Variants in PPP1R9A observed in about 807,000 individuals in gnomAD.
PPP1R9A encodes neurabin-1.
A neutral mutation model predicts 141.9 loss-of-function variants in PPP1R9A; 59 were observed. The ratio of observed to expected loss-of-function variants is 0.42; its 90% confidence interval spans 0.34 to 0.52. PPP1R9A has a LOEUF of 0.52. PPP1R9A is among the 20% of genes least tolerant of loss of function. The pLI is 0.10. For synonymous variants in PPP1R9A, 500 were observed against 569.7 expected, an observed-to-expected ratio of 0.88 and a Z score of 1.74; for missense variants, 1,444 against 1,611.9, an observed-to-expected ratio of 0.90 and a Z score of 1.78.
At chr7:95,015,341 C>T (rs1000181651) in intron 2 of PPP1R9A, among the ~76,000 whole-genome samples, 2 of 151,790 alleles carry the variant, frequency 1.3e-5, no homozygotes, top group Non-Finnish European at 2.9e-5. Flanking sequence ...TTATCATTGC[C>T]ACAACTTAAT....
intron 2 of PPP1R9A, among the ~76,000 whole-genome samples, chr7:95,050,816 A>G (rs1448713901): frequency 6.6e-6 from 1 of 152,214 alleles, no homozygotes; most frequent in African/African-American, 2.4e-5. Flanking sequence ...TAATTTTATA[A>G]GTAGGTAAGG....
At chr7:95,105,254 A>T (rs1361220386) in intron 2 of PPP1R9A, among the ~76,000 whole-genome samples, 1 of 152,244 alleles carries the variant, frequency 6.6e-6, no homozygotes, top group African/African-American at 2.4e-5. Flanking sequence ...TGTGGTTCAA[A>T]CTACTGAAAA....
At chr7:95,185,197 T>A (rs899024533) in intron 5 of PPP1R9A, among the ~76,000 whole-genome samples, 2 of 152,036 alleles carry the variant, frequency 1.3e-5, no homozygotes, top group Non-Finnish European at 2.9e-5. Flanking sequence ...CCAACATCTA[T>A]GTTTTTTGTC....
intron 2 of PPP1R9A, among the ~76,000 whole-genome samples, chr7:94,936,594 G>A (rs1406177011): frequency 6.6e-6 from 1 of 151,952 alleles, no homozygotes; most frequent in African/African-American, 2.4e-5. Flanking sequence ...TAATGTTAAA[G>A]TTGTTTAAAC....
chr7:95,241,284 A>G (rs1797418271), intron 8 of PPP1R9A, among the ~76,000 whole-genome samples: 1 of 152,176 alleles, frequency 6.6e-6, no homozygotes, highest in Non-Finnish European at 1.5e-5. Flanking sequence ...CTGAGCAAAT[A>G]TGGAATACTG....
intron 4 of PPP1R9A, among the ~76,000 whole-genome samples, chr7:95,140,189 G>A (rs933843854): frequency 1.9e-4 from 29 of 152,286 alleles, no homozygotes; most frequent in Middle Eastern, 6.8e-3. Flanking sequence ...GAGAACTAGA[G>A]AAGGCCATGC....
chr7:94,967,897 G>T (rs948009507), intron 2 of PPP1R9A, among the ~76,000 whole-genome samples: 1 of 152,168 alleles, frequency 6.6e-6, no homozygotes, highest in African/African-American at 2.4e-5. Context: ...TTGATTTGGG[G>T]TGGAGAGTTC....
intron 8 of PPP1R9A, among the ~76,000 whole-genome samples, chr7:95,245,552 G>A (rs1432247553): frequency 1.3e-5 from 2 of 152,102 alleles, no homozygotes; most frequent in Non-Finnish European, 2.9e-5. Flanking sequence ...GGTGTGTCAG[G>A]ATTCCAAAAG....
At chr7:95,181,214 A>G (rs972549296) in intron 5 of PPP1R9A, among the ~76,000 whole-genome samples, 2 of 145,642 alleles carry the variant, frequency 1.4e-5, no homozygotes, top group Non-Finnish European at 3.0e-5. Context: ...TAGAATATAT[A>G]GAGAAAATAT....
At chr7:95,044,051 C>T (rs11977064) in intron 2 of PPP1R9A, among the ~76,000 whole-genome samples, 2,258 of 152,314 alleles carry the variant, frequency 0.015, 49 homozygotes, top group African/African-American at 0.051. Context: ...ACATTGGAGA[C>T]TGCTTCAAAA....
chr7:95,145,324 T>G (rs1221471499), intron 4 of PPP1R9A, among the ~76,000 whole-genome samples: 3 of 152,196 alleles, frequency 2.0e-5, no homozygotes, highest in Non-Finnish European at 4.4e-5. Flanking sequence ...GTGAATATAT[T>G]GTTAGTGGTG....
intron 8 of PPP1R9A, among the ~76,000 whole-genome samples, chr7:95,233,347 T>C (rs1236095019): frequency 6.7e-6 from 1 of 149,484 alleles, no homozygotes; most frequent in East Asian, 2.0e-4. Flanking sequence ...GGGAGGGGAA[T>C]GTCACACACC....
chr7:95,164,801 T>C (rs1305970662), intron 5 of PPP1R9A, among the ~76,000 whole-genome samples: 3 of 150,506 alleles, frequency 2.0e-5, no homozygotes, highest in Non-Finnish European at 3.0e-5. Context: ...CTTTATTCTC[T>C]ATTTTCTGTT....
intron 2 of PPP1R9A, among the ~76,000 whole-genome samples, chr7:95,011,839 A>G (rs1241088336): frequency 6.6e-6 from 1 of 152,212 alleles, no homozygotes; most frequent in African/African-American, 2.4e-5. Context: ...TATTGAGTAG[A>G]GAAATAGGAA....
rs1242478307 is a variant in PPP1R9A, at chr7:95,268,617, C to G, written c.2733C>G (p.Leu911=). The G allele has an allele frequency of 6.2e-7, 1 of 1,613,412 alleles. No individual in the cohort carries two copies. The highest frequency in any genetic ancestry group is 1.3e-5 in the African/African-American group (1 of 74,886). Residue 911 remains leucine (L), a synonymous_variant, in exon 13 of 20, where the codon CTC becomes CTG. Coordinates refer to ENST00000433360, the MANE Select transcript of PPP1R9A (RefSeq NM_001166160.2). The part of the protein sequence containing the change: ...DSKALKTRAQ[L]SVKNRRQRPS... ...AAGCACTGAAAACTCGAGCCCAGCT[C>G]TCTGTGAAGAACAGACGCCAGAGAC...
chr7:94,975,346 G>GTTT (rs67413314), intron 2 of PPP1R9A, among the ~76,000 whole-genome samples: 2 of 128,624 alleles, frequency 1.6e-5, no homozygotes, highest in African/African-American at 2.7e-5. Context: ...ACAGGCTGTA[G>GTTT]TTTTTTTTTG....
intron 2 of PPP1R9A, among the ~76,000 whole-genome samples, chr7:95,091,826 CT>C (rs144206416): frequency 0.35 from 47,606 of 137,508 alleles, 8,894 homozygotes; most frequent in Non-Finnish European, 0.45. Context: ...GTTAATAATG[CT>C]TTTTTTTTTT....
Position 95,072,846 on chromosome 7 carries a change from T to TATAATAATTATTATATATA in PPP1R9A, c.1396-38407_1396-38406insATTATTATATATAATAATA, listed in dbSNP as rs10692761. Among the ~76,000 whole-genome samples the TATAATAATTATTATATATA allele has an allele frequency of 1.9e-4, 19 of 101,154 alleles. 2 individuals are homozygous for TATAATAATTATTATATATA. The highest frequency in any genetic ancestry group is 4.7e-4 in the Admixed American group (3 of 6,380). The allele number at this position is 101,154 out of a possible 152,430, so 66.4% of individuals were successfully genotyped here. The stretch of plus-strand genomic sequence containing the variant: ...TATTATATATATAATAATTATTATA[T>TATAATAATTATTATATATA]ATAATATAAGTTATATAATATAATA... On this transcript the variant is annotated intron_variant, in intron 2 of 19. Transcript: ENST00000433360.
intron 5 of PPP1R9A, among the ~76,000 whole-genome samples, chr7:95,185,089 T>C (rs1411058978): frequency 1.3e-5 from 2 of 151,782 alleles, no homozygotes; most frequent in African/African-American, 4.8e-5. Context: ...ATGTGCACAT[T>C]GTGCAGGTTA....
Sources: gnomAD v4.1 joint callset for allele counts (sites outside exome capture counted in the v4.1 genomes callset) on GRCh38, gnomAD v4.1.1 for gene constraint, MANE v1.5 for transcripts, NCBI Gene and HGNC (gene_info 2026-07-23, HGNC 2026-07-21) for gene names.